Variants in HYCC2 observed in about 807,000 individuals in gnomAD.
HYCC2 encodes hyccin PI4KA lipid kinase complex subunit 2, also known as hyccin 2.
the HYCC2 span, among the ~76,000 whole-genome samples, chr2:201,064,269 G>A: frequency 6.6e-6 from 1 of 151,982 alleles, no homozygotes. Context: ...TCTGTTCTGT[G>A]GAAAGTGTAA....
chr2:201,028,851 C>T, the HYCC2 span, among the ~76,000 whole-genome samples: 15 of 152,176 alleles, frequency 9.9e-5, no homozygotes, highest in Non-Finnish European at 1.8e-4. Context: ...GACCTAAAAC[C>T]ATAAAAACCC....
the HYCC2 span, among the ~76,000 whole-genome samples, chr2:201,058,461 A>G: frequency 6.6e-6 from 1 of 152,266 alleles, no homozygotes; most frequent in Non-Finnish European, 1.5e-5. Flanking sequence ...CTGTAATCCC[A>G]GCACTTTGGG....
the HYCC2 span, among the ~76,000 whole-genome samples, chr2:201,004,978 C>T: frequency 7.1e-6 from 1 of 141,634 alleles, no homozygotes; most frequent in African/African-American, 2.7e-5. Context: ...GATCGTGCCA[C>T]TGCACTCCAG....
At chr2:201,003,805 CTTTTTTTTTTT>C in the HYCC2 span, among the ~76,000 whole-genome samples, 10 of 66,370 alleles carry the variant, frequency 1.5e-4, no homozygotes, top group East Asian at 9.7e-4. Flanking sequence ...GTTGTTGTTG[CTTTTTTTTTTT>C]TTTTTTTTTT....
chr2:201,048,140 T>C, the HYCC2 span, among the ~76,000 whole-genome samples: 1 of 152,106 alleles, frequency 6.6e-6, no homozygotes, highest in East Asian at 1.9e-4. Flanking sequence ...TTCTAAGATT[T>C]TAGCAGTTGT....
At chr2:201,055,818 C>T in the HYCC2 span, among the ~76,000 whole-genome samples, 1 of 151,982 alleles carries the variant, frequency 6.6e-6, no homozygotes, top group Non-Finnish European at 1.5e-5. Flanking sequence ...CCTAGCTACT[C>T]GGGTGGCTGA....
the HYCC2 span, among the ~76,000 whole-genome samples, chr2:200,983,311 G>A: frequency 1.7e-3 from 255 of 152,122 alleles, no homozygotes; most frequent in Non-Finnish European, 3.0e-3. Flanking sequence ...AAAATGTTAG[G>A]AAAGAATCTA....
At chr2:201,009,110 T>A in the HYCC2 span, 8 of 1,362,390 alleles carry the variant, frequency 5.9e-6, no homozygotes, top group African/African-American at 1.0e-4. Flanking sequence ...AGGTACAGTA[T>A]GAGACAATGT....
the HYCC2 span, chr2:200,974,029 T>A: frequency 6.6e-6 from 1 of 152,106 alleles, no homozygotes; most frequent in Admixed American, 6.5e-5. Flanking sequence ...ATAAATATGA[T>A]CTTAAATTCA....
the HYCC2 span, among the ~76,000 whole-genome samples, chr2:201,032,780 C>T: frequency 6.6e-6 from 1 of 152,144 alleles, no homozygotes; most frequent in Non-Finnish European, 1.5e-5. Flanking sequence ...CCTCAGCCTC[C>T]TGAGTAGCTG....
At chr2:201,040,823 C>T in the HYCC2 span, among the ~76,000 whole-genome samples, 2 of 152,108 alleles carry the variant, frequency 1.3e-5, no homozygotes, top group Admixed American at 1.3e-4. Flanking sequence ...GCAGAAAAAC[C>T]TCACTGTATA....
At chr2:201,013,599 T>G in the HYCC2 span, among the ~76,000 whole-genome samples, 2 of 152,038 alleles carry the variant, frequency 1.3e-5, no homozygotes, top group Non-Finnish European at 2.9e-5. Flanking sequence ...GAATACCAAT[T>G]ACATGTGAAT....
the HYCC2 span, among the ~76,000 whole-genome samples, chr2:201,000,119 C>A: frequency 6.7e-6 from 1 of 149,092 alleles, no homozygotes; most frequent in East Asian, 2.0e-4. Flanking sequence ...TTCCTGAAAT[C>A]CCAGCACTTT....
At chr2:201,033,558 C>T in the HYCC2 span, among the ~76,000 whole-genome samples, 10 of 151,850 alleles carry the variant, frequency 6.6e-5, no homozygotes, top group Admixed American at 1.3e-4. Flanking sequence ...CGCCCGCCAC[C>T]ACGCCCGGCT....
chr2:200,985,506 C>A, the HYCC2 span, among the ~76,000 whole-genome samples: 1 of 151,806 alleles, frequency 6.6e-6, no homozygotes, highest in Non-Finnish European at 1.5e-5. Context: ...ACTAAAAATA[C>A]AAAAAAACTA....
At chr2:201,006,402 A>G in the HYCC2 span, among the ~76,000 whole-genome samples, 2 of 151,884 alleles carry the variant, frequency 1.3e-5, no homozygotes, top group South Asian at 4.2e-4. Context: ...CGGCCTCCCA[A>G]AGTGCTGGGA....
chr2:201,061,875 G>T, the HYCC2 span, among the ~76,000 whole-genome samples: 1 of 152,028 alleles, frequency 6.6e-6, no homozygotes, highest in Admixed American at 6.5e-5. Flanking sequence ...GGAGGCCAAG[G>T]CAGGCAGATC....
chr2:201,021,091 A>T, the HYCC2 span, among the ~76,000 whole-genome samples: 3 of 152,146 alleles, frequency 2.0e-5, no homozygotes, highest in African/African-American at 7.2e-5. Flanking sequence ...ATTCATACTA[A>T]ATATGGCACA....
At chr2:201,017,126 G>C in the HYCC2 span, 2 of 1,613,792 alleles carry the variant, frequency 1.2e-6, no homozygotes, top group Non-Finnish European at 1.7e-6. Context: ...GAACCTCTGA[G>C]CTACGATAGA....
Sources: gnomAD v4.1 joint callset for allele counts (sites outside exome capture counted in the v4.1 genomes callset) on GRCh38, gnomAD v4.1.1 for gene constraint, MANE v1.5 for transcripts, NCBI Gene and HGNC (gene_info 2026-07-23, HGNC 2026-07-21) for gene names.